The following CLRN1 variants were observed in gnomAD, a reference collection of about 807,000 sequenced individuals.
The protein encoded by CLRN1 is clarin 1.
CLRN1 carries 15 observed loss-of-function variants against 18.7 expected under a neutral mutation model. That is an observed-to-expected ratio of 0.80 (90% CI 0.54 to 1.23). The LOEUF (loss-of-function observed/expected upper bound fraction) is 1.23. Among genes scored for constraint, CLRN1 ranks in the 50% most tolerant of loss-of-function variants. The pLI is 0.00. For missense variants in CLRN1, 311 were observed against 277.5 expected (o/e 1.12, Z -0.86); for synonymous variants, 104 against 102.9 (o/e 1.01, Z -0.07).
chr3:150,956,223 G>C (rs971433370), intron 1 of CLRN1, among the ~76,000 whole-genome samples: 2 of 151,946 alleles, frequency 1.3e-5, no homozygotes, highest in Non-Finnish European at 2.9e-5. Context: ...AACCTTTTTG[G>C]GTGAATTCCC....
At chr3:150,942,986 C>A (rs979887737) in intron 1 of CLRN1, among the ~76,000 whole-genome samples, 2 of 152,176 alleles carry the variant, frequency 1.3e-5, no homozygotes, top group Non-Finnish European at 2.9e-5. Flanking sequence ...GCACCAGACA[C>A]ACAAGGGAAG....
At chr3:150,951,914 C>T (rs7615069) in intron 1 of CLRN1, among the ~76,000 whole-genome samples, 133,712 of 152,106 alleles carry the variant, frequency 0.88, 59,180 homozygotes, top group East Asian at 1. Context: ...GCCCCCATGA[C>T]CCAATCACCT....
Position 150,928,104 on chromosome 3 carries a change from G to A in CLRN1, c.531C>T (p.Val177=). Residue 177 remains valine (V), a synonymous_variant, in exon 3 of 3, where the codon GTC becomes GTT. Transcript: ENST00000327047. ...KIANYKEGTY[V]YKTQSEKYTT... Reference sequence around the variant, plus strand: ...TATATTTTTCACTTTGCGTTTTGTAGACATAAGTCCCTTCTTTATAATTTG... The same window carrying A: ...TATATTTTTCACTTTGCGTTTTGTAAACATAAGTCCCTTCTTTATAATTTG... The A allele has an allele frequency of 6.2e-7, 1 of 1,613,528 alleles. No homozygotes were observed. Among genetic ancestry groups the A allele is most frequent in the Non-Finnish European group, 8.5e-7 (1 of 1,179,858 alleles).
intron 2 of CLRN1, among the ~76,000 whole-genome samples, chr3:150,938,208 T>C (rs1269215427): frequency 1.3e-5 from 2 of 152,114 alleles, no homozygotes; most frequent in South Asian, 2.1e-4. Flanking sequence ...GCAGCACACA[T>C]TGGCAAGAGA....
chr3:150,941,134 G>A (rs936062752), intron 2 of CLRN1, among the ~76,000 whole-genome samples: 19 of 131,714 alleles, frequency 1.4e-4, no homozygotes, highest in Non-Finnish European at 2.0e-4. Context: ...TTGTCTGTCT[G>A]TCTGTCTATC....
chr3:150,946,153 A>G (rs1334221538), intron 1 of CLRN1, among the ~76,000 whole-genome samples: 1 of 152,238 alleles, frequency 6.6e-6, no homozygotes, highest in African/African-American at 2.4e-5. Context: ...AAATGAAGAC[A>G]TATGTGCACC....
intron 1 of CLRN1, among the ~76,000 whole-genome samples, chr3:150,960,802 G>C (rs1484404243): frequency 1.3e-5 from 2 of 152,232 alleles, no homozygotes; most frequent in African/African-American, 4.8e-5. Context: ...AAAACTGTTA[G>C]AGAACATAGC....
downstream of CLRN1, chr3:150,926,502 G>C: frequency 4.7e-6 from 2 of 429,414 alleles, no homozygotes; most frequent in Non-Finnish European, 8.7e-6. Context: ...CCCCTTTGTG[G>C]CTAGACTGAA....
chr3:150,946,591 C>T (rs911471428), intron 1 of CLRN1, among the ~76,000 whole-genome samples: 1 of 150,202 alleles, frequency 6.7e-6, no homozygotes, highest in Admixed American at 6.6e-5. Context: ...TAAACGAAGA[C>T]ATAAAAATTC....
intron 1 of CLRN1, among the ~76,000 whole-genome samples, chr3:150,947,268 A>G (rs1305159133): frequency 3.3e-5 from 5 of 151,902 alleles, no homozygotes; most frequent in Non-Finnish European, 7.4e-5. Flanking sequence ...CTAATTTCAG[A>G]CAAAGAAGAC....
rs199971192 is a variant in CLRN1, at chr3:150,972,531, C to T, written c.178G>A (p.Glu60Lys). The T allele has an allele frequency of 6.2e-7, 1 of 1,614,230 alleles. No homozygotes were observed. Among genetic ancestry groups the T allele is most frequent in the East Asian group, 2.2e-5 (1 of 44,884 alleles). ...CCGTGGAAAAGCCCGTACTGCATTTCACCCATAAACTTGTCCAGCTCCTGC... is the reference window on the plus strand; with the variant it reads ...CCGTGGAAAAGCCCGTACTGCATTTTACCCATAAACTTGTCCAGCTCCTGC... ...SGQELDKFMG[E>K]MQYGLFHGEG... is the part of the protein sequence containing the mutation. Residue 60 changes from glutamate (E) to lysine (K), a missense_variant, in exon 1 of 3, where the codon GAA becomes AAA. By Grantham distance (56) the Glu-to-Lys change is moderately conservative (BLOSUM62 1). Transcript: ENST00000327047.
intron 2 of CLRN1, among the ~76,000 whole-genome samples, chr3:150,938,290 G>A (rs774847935): frequency 3.9e-5 from 6 of 152,178 alleles, no homozygotes; most frequent in Non-Finnish European, 7.3e-5. Flanking sequence ...TGACTCGTAC[G>A]TGAAATAAAG....
chr3:150,972,810 G>T, upstream of CLRN1: 1 of 1,540,048 alleles, frequency 6.5e-7, no homozygotes, highest in Non-Finnish European at 8.9e-7. Context: ...GAAGCTGAAC[G>T]GACAGCTCCC....
At chr3:150,930,468 A>G (rs1049721726) in intron 2 of CLRN1, among the ~76,000 whole-genome samples, 3 of 152,150 alleles carry the variant, frequency 2.0e-5, no homozygotes, top group Admixed American at 6.5e-5. Context: ...ATCAAATAAT[A>G]TAATTTTCTT....
chr3:150,937,700 A>G (rs1248106633), intron 2 of CLRN1, among the ~76,000 whole-genome samples: 3 of 152,160 alleles, frequency 2.0e-5, no homozygotes, highest in African/African-American at 7.2e-5. Context: ...TCATGCAACA[A>G]TATTACATGG....
At chr3:150,938,252 C>T (rs1047988495) in intron 2 of CLRN1, among the ~76,000 whole-genome samples, 3 of 152,202 alleles carry the variant, frequency 2.0e-5, no homozygotes, top group Non-Finnish European at 4.4e-5. Context: ...TGGAAGAGAG[C>T]TGACTTCTGG....
intron 1 of CLRN1, chr3:150,945,520 T>C: frequency 6.2e-6 from 8 of 1,287,070 alleles, no homozygotes; most frequent in African/African-American, 1.5e-5. Context: ...TAACTACATA[T>C]GTACATACAT....
rs1388460121 is a variant in CLRN1, at chr3:150,927,829, C to T, written c.*107G>A. Reference sequence around the variant, plus strand: ...ATTTGTAAACATTGTCACGAAGGGTCCTGATGCTTTAATATATGCAGACTA... The same window carrying T: ...ATTTGTAAACATTGTCACGAAGGGTTCTGATGCTTTAATATATGCAGACTA... On this transcript the variant is annotated 3_prime_UTR_variant, in exon 3 of 3. Coordinates refer to ENST00000327047, the MANE Select transcript of CLRN1 (RefSeq NM_174878.3). The T allele has an allele frequency of 3.1e-6, 4 of 1,305,818 alleles. No homozygotes were observed. The African/African-American group carries it at 5.8e-5, about 19-fold the overall frequency. 80.9% of individuals were successfully genotyped at this position (1,305,818 alleles called of 1,614,324 possible).
chr3:150,956,531 G>A (rs971002253), intron 1 of CLRN1, among the ~76,000 whole-genome samples: 1 of 152,098 alleles, frequency 6.6e-6, no homozygotes, highest in Non-Finnish European at 1.5e-5. Flanking sequence ...GGAAATCCAC[G>A]CTGCATACCT....
Sources: gnomAD v4.1 joint callset for allele counts (sites outside exome capture counted in the v4.1 genomes callset) on GRCh38, gnomAD v4.1.1 for gene constraint, MANE v1.5 for transcripts, NCBI Gene and HGNC (gene_info 2026-07-23, HGNC 2026-07-21) for gene names.